OR2M2: variants seen among roughly 807,000 people sequenced by gnomAD.
The protein encoded by OR2M2 is olfactory receptor family 2 subfamily M member 2.
For missense variants in OR2M2, 467 were observed against 429.9 expected, an observed-to-expected ratio of 1.09 and a Z score of -0.76; for synonymous variants, 168 against 151.7, an observed-to-expected ratio of 1.11 and a Z score of -0.79.
chr1:248,180,136 C>G lies in OR2M2; in HGVS notation c.151C>G (p.Leu51Val), dbSNP rs1665909742. The G allele has an allele frequency of 1.2e-6, 2 of 1,613,932 alleles. No individual in the cohort carries two copies. Among genetic ancestry groups the G allele is most frequent in the East Asian group, 4.5e-5 (2 of 44,864 alleles). Residue 51 changes from leucine to valine, a missense_variant, in exon 2 of 2, where the codon CTG (leucine) becomes GTG (valine). Coordinates refer to ENST00000641836, the MANE Select transcript of OR2M2 (RefSeq NM_001004688.2). ...CTCTGTCATGGTTCTCCTCATCTACCTGGACACCCAGCTCCACACCCCCAT... is the reference window on the plus strand; with the variant it reads ...CTCTGTCATGGTTCTCCTCATCTACGTGGACACCCAGCTCCACACCCCCAT... ...GNSVMVLLIY[L>V]DTQLHTPMYF...
Position 248,180,356 on chromosome 1 carries a change from T to C in OR2M2, c.371T>C (p.Ile124Thr), listed in dbSNP as rs1237033772. The C allele has an allele frequency of 1.2e-6, 2 of 1,614,050 alleles. No individual in the cohort carries two copies. The highest frequency in any genetic ancestry group is 2.7e-5 in the African/African-American group (2 of 74,902). ...GCTGTTATGGCTTATGACCGCTATA[T>C]TGCTATTTGCCACCCTCTAAGATAT... ...LLAVMAYDRY[I>T]AICHPLRYTN... The change falls in exon 2 of 2, where the codon ATT (isoleucine) becomes ACT (threonine). Residue 124 changes from isoleucine (I) to threonine (T), a missense_variant. Physicochemically the swap from Ile to Thr is moderately conservative, Grantham distance 89. Transcript: ENST00000641836.
At position 248,180,941 on chromosome 1, in the gene OR2M2, A is replaced by G. The variant is rs367630276; in HGVS notation, c.956A>G (p.Tyr319Cys). ...GAGAGTGAGTTACCTCATAAACTTT[A>G]TGTTTTGCTGTTTGCTAAATTCTTC... ...KSESELPHKL[Y>C]VLLFAKFFFL... Residue 319 changes from tyrosine (Y) to cysteine (C), a missense_variant, in exon 2 of 2, where the codon TAT (tyrosine) becomes TGT (cysteine). Tyr to Cys is a radical substitution (Grantham distance 194). Transcript: ENST00000641836. 11 of 1,613,824 alleles carry G rather than the reference A, an allele frequency of 6.8e-6. No individual in the cohort carries two copies. In the African/African-American group the frequency reaches 1.2e-4, roughly 18 times the overall value.
chr1:248,177,904 T>C (rs1408924417), intron 1 of OR2M2: 1 of 152,144 alleles, frequency 6.6e-6, no homozygotes, highest in East Asian at 1.9e-4. Context: ...AAAAATGATT[T>C]GTTTTTCTTT....
chr1:248,176,737 A>T (rs1046010929), intron 1 of OR2M2, among the ~76,000 whole-genome samples: 2 of 152,088 alleles, frequency 1.3e-5, no homozygotes, highest in Non-Finnish European at 2.9e-5. Context: ...ATAGGAATAT[A>T]TACAGATACC....
At position 248,180,083 on chromosome 1, in the gene OR2M2, G is replaced by C. The variant is rs751350435; in HGVS notation, c.98G>C (p.Gly33Ala). The C allele has an allele frequency of 3.7e-5, 60 of 1,613,842 alleles. No homozygotes were observed. The highest frequency in any genetic ancestry group is 5.0e-5 in the Admixed American group (3 of 59,992). Residue 33 changes from glycine (G) to alanine (A), a missense_variant, in exon 2 of 2, where the codon GGC (glycine) becomes GCC (alanine). Coordinates refer to ENST00000641836, the MANE Select transcript of OR2M2 (RefSeq NM_001004688.2). ...PHTFLFFLVL[G>A]IFLVAFMGNS... ...ACGTTCCTCTTCTTTCTGGTCCTGGGCATCTTTTTAGTGGCCTTCATGGGA... is the reference window on the plus strand; with the variant it reads ...ACGTTCCTCTTCTTTCTGGTCCTGGCCATCTTTTTAGTGGCCTTCATGGGA...
At position 248,180,705 on chromosome 1, in the gene OR2M2, C is replaced by T; in HGVS notation, c.720C>T (p.Thr240=). The T allele has an allele frequency of 6.2e-7, 1 of 1,613,082 alleles. No individual in the cohort carries two copies. Among genetic ancestry groups the T allele is most frequent in the Non-Finnish European group, 8.5e-7 (1 of 1,179,864 alleles). Residue 240 remains threonine (T), a synonymous_variant, in exon 2 of 2, where the codon ACC becomes ACT. Coordinates refer to ENST00000641836, the MANE Select transcript of OR2M2 (RefSeq NM_001004688.2). The stretch of plus-strand genomic sequence containing the variant: ...AGGGTCGTTGCAAAGCTTTCACGAC[C>T]TGTTCCTCTCACCTCATGGTGGTGG... ...SGEGRCKAFT[T]CSSHLMVVGM...
chr1:248,180,847 C>T lies in OR2M2; in HGVS notation c.862C>T (p.Leu288Phe). 5.0e-6 allele frequency: 8 copies of T among 1,614,092 alleles called. No individual in the cohort carries two copies. Among genetic ancestry groups the T allele is most frequent in the Non-Finnish European group, 5.9e-6 (7 of 1,179,996 alleles). ...CATCCTCACTCCCATGCTGAATCCC[C>T]TCATCTACAGCCTCCGCAACAAGGA... ...YTILTPMLNP[L>F]IYSLRNKEVT... The change falls in exon 2 of 2, where the codon CTC (leucine) becomes TTC (phenylalanine). Residue 288 changes from leucine (L) to phenylalanine (F), a missense_variant. Leu to Phe is a conservative substitution (Grantham distance 22). Coordinates refer to ENST00000641836, the MANE Select transcript of OR2M2 (RefSeq NM_001004688.2).
At chr1:248,179,799 G>A (rs959503350) in intron 1 of OR2M2, among the ~76,000 whole-genome samples, 169 bp from the exon 2 acceptor site, 2 of 152,174 alleles carry the variant, frequency 1.3e-5, no homozygotes, top group Admixed American at 6.5e-5. Context: ...AAGTGATGCT[G>A]TATTGAAAGA....
At chr1:248,178,679 C>T (rs912781596) in intron 1 of OR2M2, among the ~76,000 whole-genome samples, 5 of 152,180 alleles carry the variant, frequency 3.3e-5, no homozygotes, top group African/African-American at 1.2e-4. Context: ...CATGCTCACA[C>T]AATTCTAACA....
chr1:248,178,399 A>T (rs1243354111), intron 1 of OR2M2, among the ~76,000 whole-genome samples: 1 of 152,152 alleles, frequency 6.6e-6, no homozygotes, highest in African/African-American at 2.4e-5. Context: ...GGCTTTGCTC[A>T]TACATTTATA....
rs370316649 is a variant in OR2M2 at position 248,180,538 on chromosome 1, C to T, written c.553C>T (p.Leu185=). The T allele has an allele frequency of 2.0e-5, 33 of 1,613,778 alleles. No individual in the cohort carries two copies. In the Admixed American group the frequency reaches 4.7e-4, roughly 23 times the overall value. Residue 185 remains leucine (L), a synonymous_variant, in exon 2 of 2, where the codon CTA becomes TTA. Coordinates refer to ENST00000641836, the MANE Select transcript of OR2M2 (RefSeq NM_001004688.2). ...AHFFCEFPSL[L]ILSCNDTSIF... is the part of the protein sequence containing the mutation. ...CTTCTTCTGTGAATTCCCTTCCCTA[C>T]TAATCCTCTCATGCAATGACACATC...
chr1:248,179,792 T>C (rs1282568735), intron 1 of OR2M2, among the ~76,000 whole-genome samples, 176 bp from the exon 2 acceptor site: 1 of 152,234 alleles, frequency 6.6e-6, no homozygotes, highest in Non-Finnish European at 1.5e-5. Context: ...ATTTTATAAG[T>C]GATGCTGTAT....
intron 1 of OR2M2, among the ~76,000 whole-genome samples, chr1:248,175,400 TA>T (rs1665847460): frequency 6.6e-6 from 1 of 152,108 alleles, no homozygotes. Context: ...AAAATTATTT[TA>T]AAATACTGCA....
chr1:248,180,929 C>T lies in OR2M2; in HGVS notation c.944C>T (p.Pro315Leu), dbSNP rs1426272566. Residue 315 changes from proline (P) to leucine (L), a missense_variant, in exon 2 of 2, where the codon CCT becomes CTT. Transcript: ENST00000641836. ...LGKGKSESEL[P>L]HKLYVLLFAK... ...AAGGGCAAGTCTGAGAGTGAGTTAC[C>T]TCATAAACTTTATGTTTTGCTGTTT... 6.2e-7 allele frequency: 1 copy of T among 1,614,056 alleles called. No individual in the cohort carries two copies. Among genetic ancestry groups the T allele is most frequent in the African/African-American group, 1.3e-5 (1 of 75,012 alleles).
rs753591744 is a variant in OR2M2, at chr1:248,180,796, G to A, written c.811G>A (p.Asp271Asn). 13 of 1,613,852 alleles carry A rather than the reference G, an allele frequency of 8.1e-6. No individual in the cohort carries two copies. The highest frequency in any genetic ancestry group is 1.0e-5 in the Non-Finnish European group (12 of 1,179,900). Residue 271 changes from aspartate (D) to asparagine (N), a missense_variant, in exon 2 of 2, where the codon GAC becomes AAC. Asp to Asn is a conservative substitution (Grantham distance 23). Coordinates refer to ENST00000641836, the MANE Select transcript of OR2M2 (RefSeq NM_001004688.2). ...CACATCTGATCACTCCCCAACGCAG[G>A]ACAAGATGGTGTCTGTATTCTACAC... ...RPTSDHSPTQ[D>N]KMVSVFYTIL...
In OR2M2 at chr1:248,180,969, T is replaced by C; in HGVS notation, c.984T>C (p.Phe328=). Residue 328 remains phenylalanine (F), a synonymous_variant, in exon 2 of 2, where the codon TTT becomes TTC. Transcript: ENST00000641836. The part of the protein sequence containing the change: ...LYVLLFAKFF[F]LISIFFYDVK... ...TTTTGCTGTTTGCTAAATTCTTCTT[T>C]CTAATATCCATCTTTTTCTATGATG... The C allele has an allele frequency of 6.2e-7, 1 of 1,613,770 alleles. No individual in the cohort carries two copies. Among genetic ancestry groups the C allele is most frequent in the Non-Finnish European group, 8.5e-7 (1 of 1,179,716 alleles).
chr1:248,174,925 G>C (rs975392596), intron 1 of OR2M2, 54 bp downstream of exon 1: 3 of 152,106 alleles, frequency 2.0e-5, no homozygotes, highest in Non-Finnish European at 4.4e-5. Flanking sequence ...CAAAATTTCT[G>C]CCGAACATGG....
intron 1 of OR2M2, among the ~76,000 whole-genome samples, chr1:248,175,576 G>A (rs2103005586): frequency 6.6e-6 from 1 of 152,116 alleles, no homozygotes; most frequent in South Asian, 2.1e-4. Context: ...AAGCATTTCG[G>A]ATAAGGAATC....
At position 248,180,811 on chromosome 1, in the gene OR2M2, G is replaced by A. The variant is rs779734807; in HGVS notation, c.826G>A (p.Val276Ile). The A allele has an allele frequency of 1.2e-6, 2 of 1,613,958 alleles. No homozygotes were observed. Among genetic ancestry groups the A allele is most frequent in the South Asian group, 2.2e-5 (2 of 91,066 alleles). The change falls in exon 2 of 2, where the codon GTA becomes ATA. Residue 276 changes from valine to isoleucine, a missense_variant. By Grantham distance (29) the Val-to-Ile change is conservative. Coordinates refer to ENST00000641836, the MANE Select transcript of OR2M2 (RefSeq NM_001004688.2). ...HSPTQDKMVS[V>I]FYTILTPMLN... ...CCCAACGCAGGACAAGATGGTGTCT[G>A]TATTCTACACCATCCTCACTCCCAT...
Sources: gnomAD v4.1 joint callset for allele counts (sites outside exome capture counted in the v4.1 genomes callset) on GRCh38, gnomAD v4.1.1 for gene constraint, MANE v1.5 for transcripts, NCBI Gene and HGNC (gene_info 2026-07-23, HGNC 2026-07-21) for gene names.